FCF1: variants seen among roughly 807,000 people sequenced by gnomAD.
FCF1 encodes rRNA-processing protein FCF1 homolog.
In FCF1, 17 loss-of-function variants were observed where a neutral mutation model predicts 32.5. The ratio of observed to expected loss-of-function variants is 0.52; its 90% CI spans 0.36 to 0.78. FCF1 has a LOEUF of 0.78. Among genes scored for constraint, FCF1 ranks in the 30% least tolerant of loss-of-function variants. The probability of loss-of-function intolerance (pLI) is 0.00; values close to 1 mark genes in which losing one functional copy is unlikely to be tolerated. For synonymous variants in FCF1, 84 were observed against 78.4 expected, an observed-to-expected ratio of 1.07 and a Z score of -0.38; for missense variants, 201 against 241.1, an observed-to-expected ratio of 0.83 and a Z score of 1.10.
At chr14:74,726,759 CCCCCA>C (rs1041550128) in intron 5 of FCF1, among the ~76,000 whole-genome samples, 1 of 151,838 alleles carries the variant, frequency 6.6e-6, no homozygotes, top group African/African-American at 2.4e-5. Context: ...CTCCCTCCTC[CCCCCA>C]CCCCACAACA....
chr14:74,731,245 G>T (rs968575490), intron 5 of FCF1, among the ~76,000 whole-genome samples: 2 of 152,210 alleles, frequency 1.3e-5, no homozygotes, highest in Non-Finnish European at 2.9e-5. Context: ...GTGTTAGCTG[G>T]AGGGGGGTAT....
chr14:74,738,585 A>G lies in FCF1; in HGVS notation c.*3655A>G, dbSNP rs1482326884. ...TGGCCATTTTTTACAGCTGTTGACA[A>G]GATCCACTAAAATAAAAATTGCAGA... On this transcript the variant is annotated 3_prime_UTR_variant, in exon 8 of 8. Coordinates refer to ENST00000341162, the MANE Select transcript of FCF1 (RefSeq NM_015962.5). 2.0e-5 allele frequency: 3 copies of G among 152,202 alleles called. No individual in the cohort carries two copies. The highest frequency in any genetic ancestry group is 7.2e-5 in the African/African-American group (3 of 41,464). The allele number at this position is 152,202 out of a possible 1,614,324, so 9.4% of individuals were successfully genotyped here.
chr14:74,729,400 GT>G (rs1241127683), intron 5 of FCF1, among the ~76,000 whole-genome samples: 1 of 151,922 alleles, frequency 6.6e-6, no homozygotes, highest in Non-Finnish European at 1.5e-5. Context: ...AGAGGTGTTT[GT>G]AGTATTCTCT....
rs1566722851 is a variant in FCF1 at position 74,734,058 on chromosome 14, A to G, written c.454-18A>G. 2 of 1,573,096 alleles carry G rather than the reference A, an allele frequency of 1.3e-6. No homozygotes were observed. Among genetic ancestry groups the G allele is most frequent in the Admixed American group, 3.3e-5 (2 of 59,868 alleles). Reference sequence around the variant, plus strand: ...GCTCAGTGACCTCAGTGTGAACATCACTCCATGTCTCTTACAGCATAAGTG... The same window carrying G: ...GCTCAGTGACCTCAGTGTGAACATCGCTCCATGTCTCTTACAGCATAAGTG... On this transcript the variant is annotated intron_variant, in intron 6 of 7. Transcript: ENST00000341162.
At position 74,713,217 on chromosome 14, in the gene FCF1, C is replaced by G; in HGVS notation, c.3+17C>G. ...GTGACCATGGTGAGAGAAGACGGTC[C>G]AAGAAGGGACGTTATCAGGCCACTT... On this transcript the variant is annotated intron_variant, in intron 1 of 7. Coordinates refer to ENST00000341162, the MANE Select transcript of FCF1 (RefSeq NM_015962.5). 2 of 1,614,168 alleles carry G rather than the reference C, an allele frequency of 1.2e-6. No individual in the cohort carries two copies. The highest frequency in any genetic ancestry group is 2.2e-5 in the East Asian group (1 of 44,882).
intron 1 of FCF1, 66 bp downstream of exon 1, chr14:74,713,266 A>G: frequency 6.2e-7 from 1 of 1,614,204 alleles, no homozygotes; most frequent in Middle Eastern, 1.6e-4. Flanking sequence ...GGAGGTAGTC[A>G]GACCGTGGCC....
intron 1 of FCF1, 27 bp from the exon 2 acceptor site, chr14:74,713,458 T>C: frequency 2.5e-6 from 4 of 1,610,686 alleles, no homozygotes; most frequent in East Asian, 2.2e-5. Flanking sequence ...TTTCCAACTT[T>C]TTTAATTCTA....
intron 5 of FCF1, among the ~76,000 whole-genome samples, chr14:74,726,253 G>A (rs1051802198): frequency 1.3e-5 from 2 of 151,590 alleles, no homozygotes; most frequent in Non-Finnish European, 2.9e-5. Flanking sequence ...TTGGGAGCCC[G>A]AAGCAGGAGG....
chr14:74,723,418 C>A, intron 5 of FCF1, 74 bp downstream of exon 5: 2 of 1,126,806 alleles, frequency 1.8e-6, no homozygotes, highest in South Asian at 1.4e-5. Context: ...TTAAAGATTT[C>A]TTGGCCAGTT....
At position 74,738,444 on chromosome 14, in the gene FCF1, G is replaced by A. The variant is rs779994858; in HGVS notation, c.*3514G>A. The stretch of plus-strand genomic sequence containing the variant: ...GAATATATTAAAATTATAGATTTCT[G>A]TGCAAGACACTCCCCTCCCCTAAAA... On this transcript the variant is annotated 3_prime_UTR_variant, in exon 8 of 8. Transcript: ENST00000341162. 1 of 152,192 alleles carries A rather than the reference G, an allele frequency of 6.6e-6. No homozygotes were observed. The highest frequency in any genetic ancestry group is 2.4e-5 in the African/African-American group (1 of 41,446). The allele number at this position is 152,192 out of a possible 1,614,324, so 9.4% of individuals were successfully genotyped here.
chr14:74,713,774 C>T (rs988175364), intron 2 of FCF1, among the ~76,000 whole-genome samples: 1 of 152,170 alleles, frequency 6.6e-6, no homozygotes, highest in Non-Finnish European at 1.5e-5. Context: ...CTTTTTCTAC[C>T]GTTATATGCT....
chr14:74,719,127 CT>C (rs2090462856), intron 4 of FCF1, among the ~76,000 whole-genome samples: 1 of 104,974 alleles, frequency 9.5e-6, no homozygotes, highest in African/African-American at 4.5e-5. Context: ...GAGACTCTGT[CT>C]CAAAAAAAAA....
chr14:74,719,464 AT>A (rs898653913), intron 4 of FCF1, among the ~76,000 whole-genome samples: 1 of 151,754 alleles, frequency 6.6e-6, no homozygotes, highest in Non-Finnish European at 1.5e-5. Context: ...TACAAAAAAA[AT>A]TTTTTTTAAA....
chr14:74,719,487 A>G (rs1301031868), intron 4 of FCF1, among the ~76,000 whole-genome samples: 1 of 151,942 alleles, frequency 6.6e-6, no homozygotes, highest in Admixed American at 6.6e-5. Flanking sequence ...CAAGCTGGGC[A>G]TGGTGGCTCA....
intron 5 of FCF1, 120 bp downstream of exon 5, chr14:74,723,464 T>TG (rs1218389658): frequency 6.1e-5 from 43 of 701,930 alleles, no homozygotes; most frequent in African/African-American, 7.5e-5. Context: ...TTATCATTTT[T>TG]GGGGGGGTTG....
chr14:74,725,044 ATC>A (rs2090557491), intron 5 of FCF1, among the ~76,000 whole-genome samples: 2 of 151,486 alleles, frequency 1.3e-5, no homozygotes, highest in South Asian at 4.2e-4. Context: ...GCTAGATAAA[ATC>A]TATCTCGTGC....
At chr14:74,720,002 C>T (rs575355907) in intron 4 of FCF1, among the ~76,000 whole-genome samples, 97 of 152,106 alleles carry the variant, frequency 6.4e-4, no homozygotes, top group Non-Finnish European at 1.1e-3. Flanking sequence ...ATTAGCCGGG[C>T]GTGGTGGCAG....
At chr14:74,713,247 G>T (rs748465722) in intron 1 of FCF1, 47 bp downstream of exon 1, 2 of 1,614,054 alleles carry the variant, frequency 1.2e-6, no homozygotes, top group Admixed American at 3.3e-5. Context: ...CCACTTTTTG[G>T]GTGGAGAAGG....
intron 4 of FCF1, among the ~76,000 whole-genome samples, chr14:74,718,159 C>T (rs1425025062): frequency 6.6e-6 from 1 of 152,226 alleles, no homozygotes; most frequent in Non-Finnish European, 1.5e-5. Flanking sequence ...GCCACCGTGC[C>T]TGGCCTTGCT....
Sources: allele counts gnomAD v4.1 joint callset (sites outside exome capture counted in the v4.1 genomes callset), GRCh38; gene constraint gnomAD v4.1.1; transcripts MANE v1.5; gene names NCBI Gene and HGNC (gene_info 2026-07-23, HGNC 2026-07-21).